The following EYS variants were observed in gnomAD, a reference collection of about 807,000 sequenced individuals.
EYS encodes EGF-like photoreceptor maintenance factor.
EYS carries 250 observed loss-of-function variants against 282.1 expected under a neutral mutation model. The ratio of observed to expected loss-of-function variants is 0.89; its 90% CI spans 0.80 to 0.98. The LOEUF is 0.98. EYS is among the 50% of genes least tolerant of loss of function. The probability of loss-of-function intolerance (pLI) is 0.00; values close to 1 mark genes in which losing one functional copy is unlikely to be tolerated. For synonymous variants in EYS, 1,355 were observed against 1,282.9 expected, an observed-to-expected ratio of 1.06 and a Z score of -1.20; for missense variants, 4,016 against 3,709.0, an observed-to-expected ratio of 1.08 and a Z score of -2.15.
chr6:64,540,127 A>AT (rs1187215479), intron 26 of EYS, among the ~76,000 whole-genome samples: 9 of 152,318 alleles, frequency 5.9e-5, no homozygotes, highest in African/African-American at 2.2e-4. Context: ...TCTTTTCCAG[A>AT]TAAAAAAGCT....
chr6:65,219,913 C>G (rs919943285), intron 12 of EYS, among the ~76,000 whole-genome samples: 23 of 152,090 alleles, frequency 1.5e-4, no homozygotes, highest in Admixed American at 4.6e-4. Flanking sequence ...ATGGGGAAAA[C>G]TGCCCCCATG....
intron 33 of EYS, among the ~76,000 whole-genome samples, chr6:64,023,784 C>T (rs559381742): frequency 2.0e-5 from 3 of 152,280 alleles, no homozygotes; most frequent in South Asian, 2.1e-4. Flanking sequence ...GAGGGACAGG[C>T]GCGGGTGGGA....
rs1475370698 is a variant in EYS at position 64,230,815 on chromosome 6, T to A, written c.6201A>T (p.Gly2067=). The stretch of plus-strand genomic sequence containing the variant: ...AGGAGGCTGTTGGAGACAGCATAAA[T>A]CCCTGGGATCTGTGATTTATAAACA... ...NYHINNCRSQ[G]FMLSPTASFV... Residue 2067 remains glycine, a synonymous_variant, in exon 31 of 43, where the codon GGA becomes GGT. Transcript: ENST00000503581. 6.5e-7 allele frequency: 1 copy of A among 1,537,396 alleles called. No homozygotes were observed. The highest frequency in any genetic ancestry group is 8.8e-7 in the Non-Finnish European group (1 of 1,135,522).
At chr6:63,819,124 C>T (rs1446200816) in intron 36 of EYS, among the ~76,000 whole-genome samples, 1 of 152,170 alleles carries the variant, frequency 6.6e-6, no homozygotes, top group East Asian at 1.9e-4. Context: ...TTTTTGTTTT[C>T]TGCTGCATCC....
chr6:64,646,380 T>C (rs997774669), intron 22 of EYS, among the ~76,000 whole-genome samples: 1 of 152,326 alleles, frequency 6.6e-6, no homozygotes, highest in African/African-American at 2.4e-5. Flanking sequence ...ATTTCATTGC[T>C]CTAGACATAT....
At chr6:64,009,468 T>C (rs1028088666) in intron 33 of EYS, among the ~76,000 whole-genome samples, 7 of 151,910 alleles carry the variant, frequency 4.6e-5, no homozygotes, top group African/African-American at 1.2e-4. Context: ...GTATTTTCAG[T>C]AGAGATGGGG....
intron 26 of EYS, among the ~76,000 whole-genome samples, chr6:64,453,927 C>A (rs1375165491): frequency 6.6e-6 from 1 of 151,994 alleles, no homozygotes; most frequent in Admixed American, 6.6e-5. Context: ...TTAATGTGTG[C>A]AGCACACCAA....
chr6:64,690,398 A>G (rs1340543567), intron 22 of EYS, among the ~76,000 whole-genome samples: 1 of 152,184 alleles, frequency 6.6e-6, no homozygotes, highest in East Asian at 1.9e-4. Flanking sequence ...AACTAGTTCA[A>G]CCATCGTGGA....
At position 64,785,704 on chromosome 6, in the gene EYS, A is replaced by G. The variant is rs1238473709; in HGVS notation, c.3443+27674T>C. Among the ~76,000 whole-genome samples, 4 of 152,138 alleles carry G rather than the reference A, an allele frequency of 2.6e-5. No homozygotes were observed. The East Asian group carries it at 7.7e-4, about 29-fold the overall frequency. ...ATAGCTACCAGTATAGCCAAAACCA[A>G]GCTTATTTATTCAACAAATATTTGT... On this transcript the variant is annotated intron_variant, in intron 22 of 42. Transcript: ENST00000503581.
intron 2 of EYS, among the ~76,000 whole-genome samples, chr6:65,621,343 A>G (rs1766485013): frequency 6.6e-6 from 1 of 151,752 alleles, no homozygotes; most frequent in Middle Eastern, 3.4e-3. Context: ...TTGTTGGTTT[A>G]AAGTCTGTTT....
intron 26 of EYS, among the ~76,000 whole-genome samples, chr6:64,463,100 C>T (rs977191255): frequency 3.2e-4 from 48 of 151,914 alleles, no homozygotes; most frequent in African/African-American, 1.2e-3. Flanking sequence ...GTGCCCGCCA[C>T]CACGCCCGGC....
intron 23 of EYS, among the ~76,000 whole-genome samples, chr6:64,619,728 G>T (rs562513408): frequency 6.6e-6 from 1 of 152,022 alleles, no homozygotes; most frequent in African/African-American, 2.4e-5. Context: ...AGGCTGGAGT[G>T]CAGGGGTATG....
intron 12 of EYS, among the ~76,000 whole-genome samples, chr6:65,186,119 TTATC>T (rs1765511773): frequency 1.3e-5 from 2 of 151,752 alleles, no homozygotes; most frequent in African/African-American, 4.8e-5. Flanking sequence ...GTCTTAGATA[TTATC>T]TATTAGCTAA....
intron 19 of EYS, among the ~76,000 whole-genome samples, chr6:64,837,504 A>G (rs1765418790): frequency 6.6e-6 from 1 of 151,106 alleles, no homozygotes; most frequent in Non-Finnish European, 1.5e-5. Flanking sequence ...AGAAAGAAAT[A>G]AAAAACATCA....
chr6:64,032,841 C>A (rs1307955534), intron 33 of EYS, among the ~76,000 whole-genome samples: 2 of 152,218 alleles, frequency 1.3e-5, no homozygotes, highest in Non-Finnish European at 2.9e-5. Context: ...ACCCTTCTAG[C>A]ATCTCAATTT....
At chr6:64,755,578 T>A (rs1489482285) in intron 22 of EYS, among the ~76,000 whole-genome samples, 1 of 140,200 alleles carries the variant, frequency 7.1e-6, no homozygotes, top group Non-Finnish European at 1.5e-5. Flanking sequence ...ATAAAAGAAA[T>A]CATGTCTTTT....
intron 41 of EYS, among the ~76,000 whole-genome samples, chr6:63,745,789 C>T (rs545914498): frequency 6.6e-6 from 1 of 152,148 alleles, no homozygotes; most frequent in Admixed American, 6.5e-5. Context: ...AAGCCCTAAT[C>T]CCCAGTGTGA....
rs150913887 is a variant in EYS, at chr6:64,811,859, C to A, written c.3443+1519G>T. 1.0e-3 allele frequency among the ~76,000 whole-genome samples: 152 copies of A among 152,220 alleles called. 1 individual carries two copies. Among genetic ancestry groups the A allele is most frequent in the African/African-American group, 3.6e-3 (150 of 41,558 alleles). ...TCTAGTCTCTGTTATTCTGTTATAG[C>A]AACACTAAATGGACTAAGAGCTCTT... is the stretch of plus-strand genomic sequence containing the variant. On this transcript the variant is annotated intron_variant, in intron 22 of 42. Transcript: ENST00000503581.
At chr6:63,926,633 ACAGTTAGTC>A (rs1401258725) in intron 35 of EYS, among the ~76,000 whole-genome samples, 7 of 152,226 alleles carry the variant, frequency 4.6e-5, no homozygotes, top group African/African-American at 1.7e-4. Flanking sequence ...CCACATTTTG[ACAGTTAGTC>A]CAGACATTCA....
Sources: gnomAD v4.1 joint callset for allele counts (sites outside exome capture counted in the v4.1 genomes callset) on GRCh38, gnomAD v4.1.1 for gene constraint, MANE v1.5 for transcripts, NCBI Gene and HGNC (gene_info 2026-07-23, HGNC 2026-07-21) for gene names.